The following PDGFRL variants were observed in gnomAD, a reference collection of about 807,000 sequenced individuals.
The protein encoded by PDGFRL is platelet derived growth factor receptor like.
Under a neutral mutation model 37.2 loss-of-function variants are expected in PDGFRL, and 46 were observed. That is an observed-to-expected ratio of 1.24 (90% CI 0.98 to 1.58). PDGFRL has a LOEUF of 1.58. Ranked by LOEUF, PDGFRL falls within the 40% of genes most tolerant of loss-of-function variation. The probability of loss-of-function intolerance (pLI) is 0.00; values close to 1 mark genes in which losing one functional copy is unlikely to be tolerated. For missense variants in PDGFRL, 692 were observed against 467.6 expected, an observed-to-expected ratio of 1.48 and a Z score of -4.43; for synonymous variants, 251 against 184.3, an observed-to-expected ratio of 1.36 and a Z score of -2.93.
intron 1 of PDGFRL, among the ~76,000 whole-genome samples, chr8:17,577,861 T>G (rs1348285355): frequency 6.6e-6 from 1 of 151,722 alleles, no homozygotes; most frequent in Non-Finnish European, 1.5e-5. Flanking sequence ...TGTCAGTGTA[T>G]GAAACTTCAA....
At chr8:17,592,946 ACACACTACT>A (rs1226781528) in intron 2 of PDGFRL, among the ~76,000 whole-genome samples, 1 of 146,064 alleles carries the variant, frequency 6.8e-6, no homozygotes, top group African/African-American at 2.6e-5. Flanking sequence ...ACACACACAC[ACACACTACT>A]CTACACACAC....
chr8:17,614,638 G>A (rs1804487430), intron 2 of PDGFRL, among the ~76,000 whole-genome samples: 1 of 152,158 alleles, frequency 6.6e-6, no homozygotes, highest in Non-Finnish European at 1.5e-5. Context: ...GAGTGTAGTG[G>A]CACAATCCTA....
At chr8:17,603,397 C>G (rs1484056384) in intron 2 of PDGFRL, among the ~76,000 whole-genome samples, 1 of 152,162 alleles carries the variant, frequency 6.6e-6, no homozygotes, top group East Asian at 1.9e-4. Context: ...GGAGCAGTGG[C>G]CCCCTTGAAC....
Position 17,624,880 on chromosome 8 carries a change from A to C in PDGFRL, c.506-3607A>C, listed in dbSNP as rs534947300. ...CAGTGAGCCGAGATGGCACCACTGC[A>C]TTCCAGCCTGGGTGACGGAGTGAGA... On this transcript the variant is annotated intron_variant, in intron 3 of 5. Transcript: ENST00000251630. Among the ~76,000 whole-genome samples the C allele has an allele frequency of 7.9e-5, 12 of 152,352 alleles. No individual in the cohort carries two copies. The South Asian group carries it at 2.5e-3, about 32-fold the overall frequency.
At chr8:17,637,309 C>G (rs780915137) in intron 5 of PDGFRL, among the ~76,000 whole-genome samples, 1 of 152,102 alleles carries the variant, frequency 6.6e-6, no homozygotes, top group Non-Finnish European at 1.5e-5. Flanking sequence ...TGGATTTTGT[C>G]AAATGTTTTT....
At chr8:17,586,102 C>T (rs1803809101) in intron 1 of PDGFRL, among the ~76,000 whole-genome samples, 1 of 152,134 alleles carries the variant, frequency 6.6e-6, no homozygotes, top group Non-Finnish European at 1.5e-5. Context: ...CAGGCGTGTG[C>T]CGCCATGCCT....
At chr8:17,584,573 C>T (rs1005641259) in intron 1 of PDGFRL, among the ~76,000 whole-genome samples, 1 of 152,014 alleles carries the variant, frequency 6.6e-6, no homozygotes, top group Non-Finnish European at 1.5e-5. Context: ...AGGAGGAAAA[C>T]CAAGGCAGCA....
chr8:17,605,006 A>T (rs1449598071), intron 2 of PDGFRL, among the ~76,000 whole-genome samples: 1 of 151,978 alleles, frequency 6.6e-6, no homozygotes, highest in African/African-American at 2.4e-5. Flanking sequence ...AGTCGTAGCT[A>T]CCTGGGAGGC....
chr8:17,603,225 C>G (rs1255465061), intron 2 of PDGFRL, among the ~76,000 whole-genome samples: 1 of 152,138 alleles, frequency 6.6e-6, no homozygotes, highest in Non-Finnish European at 1.5e-5. Context: ...CTCAAGTGAT[C>G]CACCCACCAC....
chr8:17,576,881 T>C (rs1585291353), upstream of PDGFRL: 1 of 254,446 alleles, frequency 3.9e-6, no homozygotes, highest in East Asian at 9.6e-5. Flanking sequence ...TGGACAATCG[T>C]GGTTAAAAGT....
At chr8:17,642,574 G>T (rs796305542) in intron 5 of PDGFRL, 39 bp from the exon 6 acceptor site, 1 of 1,294,100 alleles carries the variant, frequency 7.7e-7, no homozygotes, top group South Asian at 1.2e-5. Context: ...ATAGCAGCTT[G>T]TCCCTCTTGC....
intron 2 of PDGFRL, among the ~76,000 whole-genome samples, chr8:17,603,058 C>G (rs1390931659): frequency 6.6e-6 from 1 of 152,218 alleles, no homozygotes; most frequent in Non-Finnish European, 1.5e-5. Flanking sequence ...TCTCAGCTTA[C>G]TGCAACCTCT....
intron 1 of PDGFRL, among the ~76,000 whole-genome samples, chr8:17,587,221 T>G (rs1803837000): frequency 6.6e-6 from 1 of 152,178 alleles, no homozygotes; most frequent in Admixed American, 6.5e-5. Context: ...GTGGGGCTAT[T>G]TGGTCAAAAG....
At chr8:17,625,910 A>G (rs986048583) in intron 3 of PDGFRL, among the ~76,000 whole-genome samples, 1 of 152,124 alleles carries the variant, frequency 6.6e-6, no homozygotes, top group African/African-American at 2.4e-5. Context: ...TGGGAGGATC[A>G]TTTGAGCCCT....
At chr8:17,590,719 TAAAA>T (rs951819046) in intron 2 of PDGFRL, among the ~76,000 whole-genome samples, 2 of 150,242 alleles carry the variant, frequency 1.3e-5, no homozygotes, top group Non-Finnish European at 3.0e-5. Flanking sequence ...CTCAAAAAAA[TAAAA>T]AAAAATCATA....
chr8:17,607,542 G>C (rs932255227), intron 2 of PDGFRL, among the ~76,000 whole-genome samples: 4 of 152,194 alleles, frequency 2.6e-5, no homozygotes, highest in Non-Finnish European at 5.9e-5. Flanking sequence ...AGTCAAGCTA[G>C]TGCGTTAAAC....
At chr8:17,618,510 T>G (rs537900299) in intron 2 of PDGFRL, among the ~76,000 whole-genome samples, 2 of 152,296 alleles carry the variant, frequency 1.3e-5, no homozygotes, top group African/African-American at 4.8e-5. Context: ...CACAAGGGGC[T>G]TTGTATGTAT....
intron 2 of PDGFRL, among the ~76,000 whole-genome samples, chr8:17,616,282 C>T (rs149964690): frequency 1.3e-5 from 2 of 152,188 alleles, no homozygotes; most frequent in African/African-American, 4.8e-5. Context: ...GCAACCTCCG[C>T]CTCCCGGGTT....
At chr8:17,603,752 CAATT>C (rs1450960199) in intron 2 of PDGFRL, among the ~76,000 whole-genome samples, 1 of 152,036 alleles carries the variant, frequency 6.6e-6, no homozygotes, top group East Asian at 1.9e-4. Flanking sequence ...TTAGGGAAGA[CAATT>C]AAATAAGCAA....
Sources: allele counts gnomAD v4.1 joint callset (sites outside exome capture counted in the v4.1 genomes callset), GRCh38; gene constraint gnomAD v4.1.1; transcripts MANE v1.5; gene names NCBI Gene and HGNC (gene_info 2026-07-23, HGNC 2026-07-21).